Variants in DLGAP2 observed in about 807,000 individuals in gnomAD.
DLGAP2 encodes disks large-associated protein 2.
A neutral mutation model predicts 100.3 loss-of-function variants in DLGAP2; 26 were observed. The ratio of observed to expected loss-of-function variants is 0.26; its 90% CI spans 0.19 to 0.36. The LOEUF is 0.36. DLGAP2 is among the 10% of genes least tolerant of loss of function. The pLI is 1.00. For synonymous variants in DLGAP2, 886 were observed against 630.1 expected, an observed-to-expected ratio of 1.41 and a Z score of -6.08; for missense variants, 1,858 against 1,453.2, an observed-to-expected ratio of 1.28 and a Z score of -4.53.
At chr8:1,670,797 G>C (rs771522898) in intron 10 of DLGAP2, among the ~76,000 whole-genome samples, 4 of 152,222 alleles carry the variant, frequency 2.6e-5, no homozygotes, top group Non-Finnish European at 5.9e-5. Context: ...AATGTAGTTG[G>C]AGCAGCTCCA....
chr8:1,185,103 G>T (rs1477505581), intron 2 of DLGAP2, among the ~76,000 whole-genome samples: 5 of 152,152 alleles, frequency 3.3e-5, no homozygotes, highest in Non-Finnish European at 5.9e-5. Flanking sequence ...CTCTTGGGGT[G>T]TTGGGGCAGA....
At chr8:1,316,881 G>T (rs1800766578) in intron 3 of DLGAP2, among the ~76,000 whole-genome samples, 1 of 139,290 alleles carries the variant, frequency 7.2e-6, no homozygotes, top group Non-Finnish European at 1.5e-5. Flanking sequence ...AAACTCGGCA[G>T]CTTTTAAAAA....
chr8:1,010,245 C>T (rs1389715702), intron 2 of DLGAP2, among the ~76,000 whole-genome samples: 1 of 152,082 alleles, frequency 6.6e-6, no homozygotes, highest in East Asian at 1.9e-4. Flanking sequence ...CACACATGTG[C>T]CCACATATGC....
At chr8:1,411,290 CAAAG>C (rs1019501861) in intron 3 of DLGAP2, among the ~76,000 whole-genome samples, 3 of 152,134 alleles carry the variant, frequency 2.0e-5, no homozygotes, top group African/African-American at 7.2e-5. Flanking sequence ...TATAATAAGT[CAAAG>C]AAAACAGAGT....
intron 2 of DLGAP2, among the ~76,000 whole-genome samples, chr8:1,254,687 ACCT>A (rs1250353848): frequency 1.4e-5 from 2 of 146,794 alleles, no homozygotes; most frequent in African/African-American, 5.3e-5. Flanking sequence ...TTTCCCAGGA[ACCT>A]CCTGCCTTAG....
chr8:1,707,250 G>T lies in DLGAP2; in HGVS notation c.*5844G>T, dbSNP rs966468611. ...AGAGGTGATAATGAATGAAAAGATT[G>T]ACACCAGGTTTCTTGGACAAATTTA... On this transcript the variant is annotated 3_prime_UTR_variant, in exon 15 of 15. Transcript: ENST00000637795. The T allele has an allele frequency of 3.3e-5, 5 of 152,576 alleles. No homozygotes were observed. The highest frequency in any genetic ancestry group is 7.4e-5 in the Non-Finnish European group (5 of 68,024). The allele number at this position is 152,576 out of a possible 1,614,324, so 9.5% of individuals were successfully genotyped here.
At chr8:759,194 C>T (rs1419790575) in intron 1 of DLGAP2, among the ~76,000 whole-genome samples, 56 of 132,468 alleles carry the variant, frequency 4.2e-4, no homozygotes, top group African/African-American at 1.4e-3. Flanking sequence ...CCCCGACAGC[C>T]TTCCCATTAT....
intron 12 of DLGAP2, among the ~76,000 whole-genome samples, chr8:1,690,088 G>T (rs1174068650): frequency 6.6e-6 from 1 of 152,306 alleles, no homozygotes; most frequent in South Asian, 2.1e-4. Context: ...CGGGTGCGGT[G>T]GCTCACGCCT....
intron 2 of DLGAP2, among the ~76,000 whole-genome samples, chr8:980,744 G>C (rs1800307730): frequency 6.6e-6 from 1 of 152,126 alleles, no homozygotes; most frequent in African/African-American, 2.4e-5. Context: ...CAGCTGAGGA[G>C]ACAGAGATGC....
At chr8:1,345,127 T>G (rs536289749) in intron 3 of DLGAP2, among the ~76,000 whole-genome samples, 11 of 152,336 alleles carry the variant, frequency 7.2e-5, no homozygotes, top group Admixed American at 7.2e-4. Context: ...AATGACATAA[T>G]TCGGTTTTGG....
chr8:1,127,777 G>T (rs1796201885), intron 2 of DLGAP2, among the ~76,000 whole-genome samples: 1 of 152,332 alleles, frequency 6.6e-6, no homozygotes, highest in Non-Finnish European at 1.5e-5. Flanking sequence ...CGCCCGTTCT[G>T]TTGTAACTGG....
chr8:1,036,874 C>T (rs1053292640), intron 2 of DLGAP2, among the ~76,000 whole-genome samples: 2 of 152,186 alleles, frequency 1.3e-5, no homozygotes, highest in African/African-American at 4.8e-5. Flanking sequence ...TGATTTTACC[C>T]CTTGAAACAT....
At chr8:1,408,013 T>G (rs1341997654) in intron 3 of DLGAP2, among the ~76,000 whole-genome samples, 2 of 152,234 alleles carry the variant, frequency 1.3e-5, no homozygotes, top group African/African-American at 4.8e-5. Context: ...ATCGCTGGAC[T>G]CAGCACTGGA....
chr8:756,218 G>C (rs1820917070), intron 1 of DLGAP2, among the ~76,000 whole-genome samples: 2 of 152,150 alleles, frequency 1.3e-5, no homozygotes, highest in Admixed American at 1.3e-4. Flanking sequence ...GGGGGATACT[G>C]CTGGTGGCAT....
At chr8:1,278,761 C>G (rs534786509) in intron 3 of DLGAP2, among the ~76,000 whole-genome samples, 179 of 152,240 alleles carry the variant, frequency 1.2e-3, no homozygotes, top group African/African-American at 3.7e-3. Context: ...ATGAAGATCC[C>G]TTTGACAATG....
At chr8:1,693,207 G>C (rs1585070146) in intron 13 of DLGAP2, among the ~76,000 whole-genome samples, 1 of 147,374 alleles carries the variant, frequency 6.8e-6, no homozygotes, top group South Asian at 2.1e-4. Context: ...AAAATATATA[G>C]TATGTGTGTA....
At chr8:1,091,532 C>T (rs1804181338) in intron 2 of DLGAP2, among the ~76,000 whole-genome samples, 1 of 152,218 alleles carries the variant, frequency 6.6e-6, no homozygotes, top group Non-Finnish European at 1.5e-5. Flanking sequence ...TTCCTGCGCC[C>T]ACCTATGTGT....
chr8:1,468,811 C>T (rs1187815963), intron 3 of DLGAP2, among the ~76,000 whole-genome samples: 1 of 152,216 alleles, frequency 6.6e-6, no homozygotes, highest in Non-Finnish European at 1.5e-5. Flanking sequence ...CCTCTTCCCT[C>T]CCACTCTCCA....
chr8:809,116 G>A (rs1410618864), intron 1 of DLGAP2, among the ~76,000 whole-genome samples: 1 of 151,996 alleles, frequency 6.6e-6, no homozygotes, highest in African/African-American at 2.4e-5. Context: ...TGTTGGCCAG[G>A]CTGGTTTCGA....
Sources: gnomAD v4.1 joint callset for allele counts (sites outside exome capture counted in the v4.1 genomes callset) on GRCh38, gnomAD v4.1.1 for gene constraint, MANE v1.5 for transcripts, NCBI Gene and HGNC (gene_info 2026-07-23, HGNC 2026-07-21) for gene names.